Variants in SPEG observed in about 807,000 individuals in gnomAD.
SPEG encodes the protein striated muscle enriched protein kinase.
Under a neutral mutation model 300.4 loss-of-function variants are expected in SPEG, and 114 were observed. That is an observed-to-expected ratio of 0.38 (90% CI 0.33 to 0.44). The LOEUF (loss-of-function observed/expected upper bound fraction) is 0.44, where lower values mean the gene tolerates loss of function less well. Among genes scored for constraint, SPEG ranks in the 20% least tolerant of loss-of-function variants. The probability of loss-of-function intolerance (pLI) is 1.00; values close to 1 mark genes in which losing one functional copy is unlikely to be tolerated. For synonymous variants in SPEG, 1,964 were observed against 2,018.9 expected, an observed-to-expected ratio of 0.97 and a Z score of 0.73; for missense variants, 4,201 against 4,586.2, an observed-to-expected ratio of 0.92 and a Z score of 2.43.
In SPEG at chr2:219,473,870, A is replaced by C. The variant is rs1692110612; in HGVS notation, c.4414A>C (p.Thr1472Pro). ...LTCTARNRHGTQTCSVTLELA... is the reference protein window; with the variant it reads ...LTCTARNRHGPQTCSVTLELA... ...CTGCACCGCCCGAAACCGTCACGGC[A>C]CACAGACCTGCTCGGTCACATTGGA... Residue 1472 changes from threonine (T) to proline (P), a missense_variant, in exon 18 of 41, where the codon ACA (threonine) becomes CCA (proline). This residue lies in a region of SPEG where 1,047 missense variants were observed against 1,356.8 expected (regional missense o/e 0.77). Transcript: ENST00000312358. This position sits in a 1 kb window ranked among gnomAD's most constrained non-coding sequence, Gnocchi z 4.6. 6.2e-7 allele frequency: 1 copy of C among 1,613,134 alleles called. No homozygotes were observed. The highest frequency in any genetic ancestry group is 8.5e-7 in the Non-Finnish European group (1 of 1,179,900).
In SPEG at chr2:219,484,306, G is replaced by C. The variant is rs577344561; in HGVS notation, c.6843G>C (p.Arg2281Ser). Residue 2281 changes from arginine (R) to serine (S), a missense_variant, in exon 30 of 41, where the codon AGG (arginine) becomes AGC (serine). By Grantham distance (110) the Arg-to-Ser change is moderately radical. This residue lies in a region of SPEG where 1,578 missense variants were observed against 1,506.0 expected (regional missense o/e 1.05). Transcript: ENST00000312358. ...AGCCCCACGCTGCTGTCTTTGCCAG[G>C]GTGGCCTCCCCACCTCCGGGAGCCC... is the stretch of plus-strand genomic sequence containing the variant. ...EPKPHAAVFA[R>S]VASPPPGAPE... 1.2e-6 allele frequency: 2 copies of C among 1,605,606 alleles called. No individual in the cohort carries two copies. Among genetic ancestry groups the C allele is most frequent in the South Asian group, 2.2e-5 (2 of 90,894 alleles).
intron 6 of SPEG, 45 bp from the exon 7 acceptor site, chr2:219,461,837 C>G (rs774779388): frequency 1.3e-6 from 2 of 1,587,816 alleles, no homozygotes; most frequent in Non-Finnish European, 1.7e-6. Context: ...CTCCCAGGCT[C>G]TCTGCTCGCC....
intron 9 of SPEG, 199 bp from the exon 10 acceptor site, chr2:219,466,975 A>G (rs543789137): frequency 2.8e-6 from 3 of 1,054,686 alleles, no homozygotes; most frequent in African/African-American, 3.3e-5. Context: ...TCCCTGGCCC[A>G]GCTTGGATTG....
chr2:219,481,200 T>A lies in SPEG; in HGVS notation c.5370-104T>A, dbSNP rs181630477. On this transcript the variant is annotated intron_variant, in intron 26 of 40. Coordinates refer to ENST00000312358, the MANE Select transcript of SPEG (RefSeq NM_005876.5). The surrounding 1 kb of genome is among the most constrained non-coding windows in gnomAD (Gnocchi z 5.4). The stretch of plus-strand genomic sequence containing the variant: ...ACCCACATTTGCCCAGCCTCTGTCA[T>A]CCTCACAACCCCAGAGCCTCCATCT... The A allele has an allele frequency of 4.7e-6, 6 of 1,286,438 alleles. No individual in the cohort carries two copies. In the Admixed American group the frequency reaches 1.1e-4, roughly 24 times the overall value. 79.7% of individuals were successfully genotyped at this position (1,286,438 alleles called of 1,614,324 possible). A position where few individuals can be genotyped will look rare whatever the true frequency, so the allele number is the denominator to read the frequency against.
chr2:219,453,932 G>A (rs1689967938), intron 6 of SPEG, among the ~76,000 whole-genome samples: 1 of 152,244 alleles, frequency 6.6e-6, no homozygotes, highest in South Asian at 2.1e-4. Flanking sequence ...CAGGCAGTGA[G>A]GGGTGGGGCC....
rs1305484588 is a variant in SPEG at position 219,483,440 on chromosome 2, C to G, written c.5977C>G (p.Pro1993Ala). Reference protein sequence around the residue: ...DQEAPSPEALPSPGQEPAAGA... With the variant: ...DQEAPSPEALASPGQEPAAGA... ...GGAGGCTCCCAGCCCAGAGGCCCTC[C>G]CCTCCCCAGGCCAGGAGCCCGCAGC... Residue 1993 changes from proline to alanine, a missense_variant, in exon 30 of 41, where the codon CCC becomes GCC. Physicochemically the swap from Pro to Ala is conservative, Grantham distance 27. Coordinates refer to ENST00000312358, the MANE Select transcript of SPEG (RefSeq NM_005876.5). 6.5e-7 allele frequency: 1 copy of G among 1,547,236 alleles called. No homozygotes were observed. Among genetic ancestry groups the G allele is most frequent in the Middle Eastern group, 2.0e-4 (1 of 5,016 alleles).
At chr2:219,440,241 G>A (rs538091354) in intron 1 of SPEG, among the ~76,000 whole-genome samples, 46 of 151,992 alleles carry the variant, frequency 3.0e-4, no homozygotes, top group African/African-American at 1.0e-3. Flanking sequence ...TTAAAAATTA[G>A]CTGGGCATGA....
In SPEG at chr2:219,493,156, A is replaced by G. The variant is rs1694126445; in HGVS notation, c.*370A>G. On this transcript the variant is annotated 3_prime_UTR_variant, in exon 41 of 41. Transcript: ENST00000312358. ...TCAGGGAGAACCAAGGAAGGTGGGC[A>G]TGGCTGGAGAGGAGGAAAAGGAAGG... 2 of 446,818 alleles carry G rather than the reference A, an allele frequency of 4.5e-6. No homozygotes were observed. The highest frequency in any genetic ancestry group is 5.2e-5 in the East Asian group (1 of 19,048). The allele number at this position is 446,818 out of a possible 1,614,324, so 27.7% of individuals were successfully genotyped here.
rs1689250014 is a variant in SPEG at position 219,445,917 on chromosome 2, G to A, written c.815+756G>A. Among the ~76,000 whole-genome samples, 1 of 152,106 alleles carries A rather than the reference G, an allele frequency of 6.6e-6. No individual in the cohort carries two copies. The highest frequency in any genetic ancestry group is 1.5e-5 in the Non-Finnish European group (1 of 68,000). ...GGGGGTGTGAGGAGCGGAGGTGTTGGAGGCACTGGAGCCATTTTTGGAGAT... is the reference window on the plus strand; with the variant it reads ...GGGGGTGTGAGGAGCGGAGGTGTTGAAGGCACTGGAGCCATTTTTGGAGAT... On this transcript the variant is annotated intron_variant, in intron 3 of 40. Coordinates refer to ENST00000312358, the MANE Select transcript of SPEG (RefSeq NM_005876.5). The surrounding 1 kb of genome is among the most constrained non-coding windows in gnomAD (Gnocchi z 6.1).
intron 13 of SPEG, among the ~76,000 whole-genome samples, chr2:219,470,239 A>G (rs1691749675): frequency 6.6e-6 from 1 of 152,238 alleles, no homozygotes; most frequent in Non-Finnish European, 1.5e-5. Context: ...AGATGGGGAA[A>G]CTGAGGCTTA....
At chr2:219,476,626 C>G (rs1692366320) in intron 18 of SPEG, among the ~76,000 whole-genome samples, 1 of 152,058 alleles carries the variant, frequency 6.6e-6, no homozygotes, top group Non-Finnish European at 1.5e-5. Context: ...GCACCTTGTG[C>G]CAGGTTTCCT....
chr2:219,468,531 G>A, intron 10 of SPEG, 47 bp from the exon 11 acceptor site: 2 of 1,589,578 alleles, frequency 1.3e-6, no homozygotes, highest in South Asian at 2.2e-5. Context: ...TGGGATGCCT[G>A]GGCCTCCTTA....
At position 219,485,053 on chromosome 2, in the gene SPEG, C is replaced by A. The variant is rs753712434; in HGVS notation, c.7590C>A (p.Ser2530Arg). ...CCGAGTCCCTGGGCTCCGAGGCCAG[C>A]GCCACGTCGGGCTCCTCAGGTGAGG... ...PSAESLGSEA[S>R]ATSGSSAPGE... Residue 2530 changes from serine (S) to arginine (R), a missense_variant, in exon 30 of 41, where the codon AGC becomes AGA. By Grantham distance (110) the Ser-to-Arg change is moderately radical (BLOSUM62 -1). This residue lies in a region of SPEG where 1,578 missense variants were observed against 1,506.0 expected (regional missense o/e 1.05). Transcript: ENST00000312358. 2 of 1,532,404 alleles carry A rather than the reference C, an allele frequency of 1.3e-6. No homozygotes were observed. Among genetic ancestry groups the A allele is most frequent in the Admixed American group, 2.0e-5 (1 of 50,890 alleles). 94.9% of individuals were successfully genotyped at this position (1,532,404 alleles called of 1,614,324 possible).
rs1256811572 is a variant in SPEG, at chr2:219,483,697, C to T, written c.6234C>T (p.Gly2078=). Reference sequence around the variant, plus strand: ...TGCGCCAGCGGCTGCTGCGGGGAGGCCCCGAGGATGGCAAGGTCAGCGGCC... The same window carrying T: ...TGCGCCAGCGGCTGCTGCGGGGAGGTCCCGAGGATGGCAAGGTCAGCGGCC... ...QALRQRLLRG[G]PEDGKVSGLR... is the part of the protein sequence containing the mutation. Residue 2078 remains glycine (G), a synonymous_variant, in exon 30 of 41, where the codon GGC becomes GGT. Transcript: ENST00000312358. The T allele has an allele frequency of 6.5e-7, 1 of 1,533,926 alleles. No homozygotes were observed.
intron 3 of SPEG, 144 bp from the exon 4 acceptor site, chr2:219,447,830 G>A: frequency 1.4e-6 from 1 of 735,990 alleles, no homozygotes; most frequent in Non-Finnish European, 2.2e-6. Flanking sequence ...TCCTCGTGGG[G>A]GTGGGGGTGG....
At chr2:219,492,539 C>G in intron 40 of SPEG, 55 bp from the exon 41 acceptor site, 3 of 1,569,866 alleles carry the variant, frequency 1.9e-6, no homozygotes, top group Non-Finnish European at 2.6e-6. Context: ...GGACAGAGCC[C>G]CGGCAGCTCC....
chr2:219,487,114 C>G (rs1196421657), intron 31 of SPEG, among the ~76,000 whole-genome samples: 2 of 152,058 alleles, frequency 1.3e-5, no homozygotes, highest in Admixed American at 6.6e-5. Context: ...CCTATCCCCA[C>G]CCTTCACCCA....
chr2:219,444,145 C>T lies in SPEG; in HGVS notation c.389-508C>T, dbSNP rs999440458. On this transcript the variant is annotated intron_variant, in intron 1 of 40. Coordinates refer to ENST00000312358, the MANE Select transcript of SPEG (RefSeq NM_005876.5). The surrounding 1 kb of genome is among the most constrained non-coding windows in gnomAD (Gnocchi z 7.8). ...CTCTCCTCACCCTGCCTCAGCTGCA[C>T]CCGATGCCTTGCAGCTGGTTTGGGG... 3 of 1,029,962 alleles carry T rather than the reference C, an allele frequency of 2.9e-6. No individual in the cohort carries two copies. In the Admixed American group the frequency reaches 6.8e-5, roughly 23 times the overall value. The allele number at this position is 1,029,962 out of a possible 1,614,324, so 63.8% of individuals were successfully genotyped here.
intron 18 of SPEG, 41 bp from the exon 19 acceptor site, chr2:219,476,829 C>G (rs1692387828): frequency 1.3e-6 from 2 of 1,527,098 alleles, no homozygotes; most frequent in African/African-American, 1.4e-5. Context: ...AAGCCAGCCC[C>G]TAGCCCCTTC....
Sources: allele counts gnomAD v4.1 joint callset (sites outside exome capture counted in the v4.1 genomes callset), GRCh38; gene constraint gnomAD v4.1.1; regional missense constraint gnomAD v4.1.1; non-coding constraint Gnocchi (gnomAD v3.1); transcripts MANE v1.5; gene names NCBI Gene and HGNC (gene_info 2026-07-23, HGNC 2026-07-21).